ANKRD12: variants seen among roughly 807,000 people sequenced by gnomAD.
The protein encoded by ANKRD12 is ankyrin repeat domain-containing protein 12.
ANKRD12 carries 85 observed loss-of-function variants against 183.4 expected under a neutral mutation model. The observed-to-expected ratio is 0.46, with a 90% CI of 0.39 to 0.56. The LOEUF (loss-of-function observed/expected upper bound fraction) is 0.56, where lower values mean the gene tolerates loss of function less well. Among genes scored for constraint, ANKRD12 ranks in the 20% least tolerant of loss-of-function variants. ANKRD12 has a pLI of 0.00. For synonymous variants in ANKRD12, 914 were observed against 800.2 expected (o/e 1.14, Z -2.40); for missense variants, 2,405 against 2,357.1 (o/e 1.02, Z -0.42).
rs1598794687 is a variant in ANKRD12 at position 9,279,493 on chromosome 18, C to T, written c.5908-56C>T. On this transcript the variant is annotated intron_variant, in intron 11 of 12. Transcript: ENST00000262126. ...ATATACCATAAAAATACTATAATGG[C>T]ATATAGATTTTAAAGTGATTTATTG... The T allele has an allele frequency of 4.1e-6, 4 of 983,688 alleles. No homozygotes were observed. The East Asian group carries it at 7.3e-5, about 18-fold the overall frequency. The allele number at this position is 983,688 out of a possible 1,614,324, so 60.9% of individuals were successfully genotyped here.
chr18:9,251,137 ATTAC>A (rs1261822466), intron 8 of ANKRD12, among the ~76,000 whole-genome samples: 1 of 152,152 alleles, frequency 6.6e-6, no homozygotes. Context: ...GTGAAATGTA[ATTAC>A]TTTGTCAAAT....
rs1157105125 is a variant in ANKRD12, at chr18:9,254,322, C to T, written c.1055C>T (p.Thr352Ile). 1.2e-6 allele frequency: 2 copies of T among 1,612,810 alleles called. No homozygotes were observed. The highest frequency in any genetic ancestry group is 1.7e-6 in the Non-Finnish European group (2 of 1,179,432). Reference protein sequence around the residue: ...CESKQILPSKTPLPSALDEYE... With the variant: ...CESKQILPSKIPLPSALDEYE... ...AGTAAACAGATACTTCCCAGTAAAA[C>T]ACCTCTTCCATCTGCCCTTGATGAG... The change falls in exon 9 of 13, where the codon ACA becomes ATA. Residue 352 changes from threonine to isoleucine, a missense_variant. Physicochemically the swap from Thr to Ile is moderately conservative, Grantham distance 89. Transcript: ENST00000262126.
chr18:9,264,005 T>A, intron 10 of ANKRD12, 117 bp downstream of exon 10: 1 of 983,674 alleles, frequency 1.0e-6, no homozygotes, highest in Non-Finnish European at 1.4e-6. Context: ...TTTTGAGAAG[T>A]GATTTGGTTT....
rs1014282811 is a variant in ANKRD12 at position 9,136,818 on chromosome 18, TGA to T, written c.-194_-193del. 25 of 152,132 alleles carry T rather than the reference TGA, an allele frequency of 1.6e-4. No homozygotes were observed. Among genetic ancestry groups the T allele is most frequent in the African/African-American group, 5.8e-4 (24 of 41,480 alleles). 9.4% of individuals were successfully genotyped at this position (152,132 alleles called of 1,614,324 possible). ...TGTCCTGGGAGCGAGGAGGCTGTGG[TGA>T]GAGACGGACCGAGACCGGAGATGTT... is the stretch of plus-strand genomic sequence containing the variant. On this transcript the variant is annotated 5_prime_UTR_variant, in exon 1 of 13. Transcript: ENST00000262126.
At chr18:9,197,379 G>A (rs969339160) in intron 3 of ANKRD12, among the ~76,000 whole-genome samples, 3 of 152,134 alleles carry the variant, frequency 2.0e-5, no homozygotes, top group African/African-American at 7.2e-5. Context: ...TTAACATGTT[G>A]TCACCAAACA....
chr18:9,231,978 G>A (rs923997742), intron 8 of ANKRD12, among the ~76,000 whole-genome samples: 1 of 152,086 alleles, frequency 6.6e-6, no homozygotes. Flanking sequence ...CATATAGTTG[G>A]ATCATGTTTT....
At chr18:9,176,942 G>A (rs2033319064) in intron 1 of ANKRD12, among the ~76,000 whole-genome samples, 1 of 152,186 alleles carries the variant, frequency 6.6e-6, no homozygotes, top group South Asian at 2.1e-4. Context: ...TTTAGAGAAT[G>A]TTAATCCTGG....
chr18:9,191,347 G>A (rs1411465763), intron 2 of ANKRD12, among the ~76,000 whole-genome samples: 7 of 152,142 alleles, frequency 4.6e-5, no homozygotes, highest in Admixed American at 1.3e-4. Context: ...GTTCAAATAC[G>A]CCTTGAAGGA....
intron 1 of ANKRD12, among the ~76,000 whole-genome samples, chr18:9,172,272 G>A (rs2032813729): frequency 6.6e-6 from 1 of 152,150 alleles, no homozygotes; most frequent in South Asian, 2.1e-4. Flanking sequence ...GGCCCTTCTT[G>A]CTAGGTTGGA....
intron 9 of ANKRD12, 58 bp from the exon 10 acceptor site, chr18:9,263,732 T>C: frequency 7.8e-7 from 1 of 1,280,380 alleles, no homozygotes; most frequent in African/African-American, 1.6e-5. Context: ...TTTAAAAGAA[T>C]AGCCCATTAT....
intron 2 of ANKRD12, 88 bp from the exon 3 acceptor site, chr18:9,195,463 T>C (rs565650398): frequency 1.3e-5 from 12 of 923,184 alleles, no homozygotes; most frequent in Non-Finnish European, 1.8e-5. Flanking sequence ...TCTCTTTTTG[T>C]GTATGTTTGA....
intron 1 of ANKRD12, among the ~76,000 whole-genome samples, chr18:9,159,288 TTAAAG>T (rs1240385551): frequency 7.2e-5 from 11 of 152,222 alleles, no homozygotes; most frequent in African/African-American, 1.7e-4. Context: ...TGTGTCTGTA[TTAAAG>T]TAAACAAGAG....
At chr18:9,264,704 T>A (rs912440525) in intron 10 of ANKRD12, among the ~76,000 whole-genome samples, 7 of 152,174 alleles carry the variant, frequency 4.6e-5, no homozygotes, top group Non-Finnish European at 7.4e-5. Context: ...CCATTGACAA[T>A]GAGCAATTTG....
At chr18:9,235,540 AAGAATATACTATATACTTGC>A in intron 8 of ANKRD12, 1 of 376,752 alleles carries the variant, frequency 2.7e-6, no homozygotes, top group East Asian at 7.3e-5. Flanking sequence ...TAAAGAGAAA[AAGAATATACTATATACTTGC>A]ACACCTGATG....
At chr18:9,260,568 C>T (rs1356824483) in intron 9 of ANKRD12, among the ~76,000 whole-genome samples, 2 of 152,154 alleles carry the variant, frequency 1.3e-5, no homozygotes, top group African/African-American at 4.8e-5. Flanking sequence ...CCACTGATTA[C>T]ACACTACAGA....
At chr18:9,144,884 T>G (rs2078442180) in intron 1 of ANKRD12, among the ~76,000 whole-genome samples, 1 of 151,998 alleles carries the variant, frequency 6.6e-6, no homozygotes, top group Non-Finnish European at 1.5e-5. Flanking sequence ...TATTTGTATG[T>G]ATGTAATACA....
At chr18:9,183,665 A>AT (rs1413601157) in intron 2 of ANKRD12, among the ~76,000 whole-genome samples, 1 of 142,366 alleles carries the variant, frequency 7.0e-6, no homozygotes, top group African/African-American at 2.4e-5. Flanking sequence ...GTGAATAAAG[A>AT]TAATTTTACT....
chr18:9,259,354 G>A (rs1266940324), intron 9 of ANKRD12: 1 of 152,788 alleles, frequency 6.5e-6, no homozygotes, highest in Non-Finnish European at 1.4e-5. Context: ...CGTGTTTAAT[G>A]TAACAAACAC....
At chr18:9,266,695 G>C (rs546179769) in intron 10 of ANKRD12, among the ~76,000 whole-genome samples, 7 of 152,310 alleles carry the variant, frequency 4.6e-5, no homozygotes, top group Admixed American at 2.0e-4. Flanking sequence ...ATGCTAGGAA[G>C]AAATTGCATC....
Sources: gnomAD v4.1 joint callset for allele counts (sites outside exome capture counted in the v4.1 genomes callset) on GRCh38, gnomAD v4.1.1 for gene constraint, MANE v1.5 for transcripts, NCBI Gene and HGNC (gene_info 2026-07-23, HGNC 2026-07-21) for gene names.